Variants in SLC24A4 observed in about 807,000 individuals in gnomAD.
SLC24A4 encodes the protein sodium/potassium/calcium exchanger 4.
SLC24A4 carries 53 observed loss-of-function variants against 79.0 expected under a neutral mutation model. The observed-to-expected ratio is 0.67, with a 90% confidence interval of 0.54 to 0.84. The LOEUF (loss-of-function observed/expected upper bound fraction) is 0.84. Ranked by LOEUF, SLC24A4 falls within the 40% of genes least tolerant of loss-of-function variation. The pLI, the probability that SLC24A4 is intolerant of heterozygous loss-of-function variation, is 0.00. For synonymous variants in SLC24A4, 323 were observed against 323.8 expected, an observed-to-expected ratio of 1.00 and a Z score of 0.03; for missense variants, 731 against 822.0, an observed-to-expected ratio of 0.89 and a Z score of 1.35.
chr14:92,483,656 C>G (rs1292254348), intron 13 of SLC24A4: 2 of 1,136,256 alleles, frequency 1.8e-6, no homozygotes, highest in East Asian at 1.2e-4. Context: ...TGGGTCAGGC[C>G]ACACAGGAGC....
intron 2 of SLC24A4, among the ~76,000 whole-genome samples, chr14:92,367,584 T>G (rs1332447324): frequency 1.3e-5 from 2 of 151,924 alleles, no homozygotes; most frequent in East Asian, 3.9e-4. Context: ...GAGGGAGGAG[T>G]TGGCCCTCCA....
chr14:92,390,801 A>C (rs888201567), intron 2 of SLC24A4, among the ~76,000 whole-genome samples: 1 of 152,250 alleles, frequency 6.6e-6, no homozygotes, highest in African/African-American at 2.4e-5. Context: ...GAATGTGACC[A>C]GGACGATGGT....
chr14:92,433,617 G>A (rs558715098), intron 2 of SLC24A4, among the ~76,000 whole-genome samples: 1 of 152,254 alleles, frequency 6.6e-6, no homozygotes, highest in Non-Finnish European at 1.5e-5. Context: ...TATCTGTTCT[G>A]GGTTCTAGCC....
intron 2 of SLC24A4, among the ~76,000 whole-genome samples, chr14:92,395,430 A>ACAC (rs1175371282): frequency 2.3e-5 from 2 of 86,848 alleles, no homozygotes; most frequent in African/African-American, 1.2e-4. Context: ...AAAACAAAAC[A>ACAC]AAACACACAC....
chr14:92,388,836 G>T (rs1889310836), intron 2 of SLC24A4, among the ~76,000 whole-genome samples: 1 of 152,166 alleles, frequency 6.6e-6, no homozygotes, highest in Non-Finnish European at 1.5e-5. Context: ...GTGGCCCCCA[G>T]ACCAAAACTG....
At chr14:92,363,119 T>C (rs1384030190) in intron 2 of SLC24A4, among the ~76,000 whole-genome samples, 1 of 152,176 alleles carries the variant, frequency 6.6e-6, no homozygotes, top group African/African-American at 2.4e-5. Flanking sequence ...ACTGCTTCCC[T>C]CTTGGGTGGG....
intron 2 of SLC24A4, among the ~76,000 whole-genome samples, chr14:92,364,007 G>A (rs757550415): frequency 2.0e-5 from 3 of 152,042 alleles, no homozygotes; most frequent in Non-Finnish European, 4.4e-5. Context: ...TGGCCATCTC[G>A]TCTGTCCTGG....
intron 2 of SLC24A4, among the ~76,000 whole-genome samples, chr14:92,415,601 GCGC>G (rs1890936165): frequency 6.6e-6 from 1 of 152,074 alleles, no homozygotes; most frequent in Non-Finnish European, 1.5e-5. Flanking sequence ...GGGATTGTAA[GCGC>G]CCACAACCAC....
chr14:92,418,272 C>G (rs74073041), intron 2 of SLC24A4, among the ~76,000 whole-genome samples: 4,071 of 152,222 alleles, frequency 0.027, 184 homozygotes, highest in African/African-American at 0.093. Flanking sequence ...CTGAGGGGGT[C>G]CCTGGCTCAC....
At chr14:92,486,863 T>G in intron 14 of SLC24A4, 83 bp downstream of exon 14, 1 of 951,870 alleles carries the variant, frequency 1.1e-6, no homozygotes, top group Non-Finnish European at 1.6e-6. Flanking sequence ...GTTGACCAAG[T>G]TGTGGCTCTT....
chr14:92,447,300 G>A, intron 8 of SLC24A4, 71 bp from the exon 9 acceptor site: 1 of 1,416,524 alleles, frequency 7.1e-7, no homozygotes, highest in Non-Finnish European at 1.0e-6. Flanking sequence ...CCCACTTCTG[G>A]ACCCCTCATT....
rs536085060 is a variant in SLC24A4, at chr14:92,490,599, C to A, written c.1538-1066C>A. On this transcript the variant is annotated intron_variant, in intron 14 of 16. Coordinates refer to ENST00000532405, the MANE Select transcript of SLC24A4 (RefSeq NM_153646.4). This position sits in a 1 kb window ranked among gnomAD's most constrained non-coding sequence, Gnocchi z 4.3. ...AAGGCTTGGTAAAAAGGATGCTGTA[C>A]CAGGGGACCTTGGGCCGCCTGCAAA... 1.3e-5 allele frequency among the ~76,000 whole-genome samples: 2 copies of A among 152,332 alleles called. No homozygotes were observed. Among genetic ancestry groups the A allele is most frequent in the South Asian group, 4.1e-4 (2 of 4,828 alleles).
rs769126326 is a variant in SLC24A4 at position 92,490,288 on chromosome 14, C to T, written c.1538-1377C>T. On this transcript the variant is annotated intron_variant, in intron 14 of 16. Transcript: ENST00000532405. The surrounding 1 kb of genome is among the most constrained non-coding windows in gnomAD (Gnocchi z 4.3). ...TGGTGTGGAAGTATGGCTCAGTGGC[C>T]GGGTTAGGGCAGATTCCAGCCAGTA... is the stretch of plus-strand genomic sequence containing the variant. 7.8e-4 allele frequency among the ~76,000 whole-genome samples: 119 copies of T among 152,256 alleles called. No homozygotes were observed. Among genetic ancestry groups the T allele is most frequent in the African/African-American group, 5.8e-4 (24 of 41,530 alleles).
chr14:92,469,368 G>A (rs1268672523), intron 12 of SLC24A4, among the ~76,000 whole-genome samples: 1 of 152,046 alleles, frequency 6.6e-6, no homozygotes, highest in Non-Finnish European at 1.5e-5. Flanking sequence ...AATTAGCCAG[G>A]TGTGGTGGTG....
At chr14:92,396,056 C>G (rs1159213723) in intron 2 of SLC24A4, among the ~76,000 whole-genome samples, 1 of 152,204 alleles carries the variant, frequency 6.6e-6, no homozygotes, top group Non-Finnish European at 1.5e-5. Flanking sequence ...GAACTCCTGA[C>G]CTTGTGATCC....
intron 2 of SLC24A4, among the ~76,000 whole-genome samples, chr14:92,390,929 C>G (rs1260845431): frequency 1.3e-5 from 2 of 152,198 alleles, no homozygotes; most frequent in Non-Finnish European, 2.9e-5. Flanking sequence ...CCTGGTCTTC[C>G]ATGTGGTCAT....
intron 2 of SLC24A4, among the ~76,000 whole-genome samples, chr14:92,410,372 G>A (rs975549052): frequency 7.2e-5 from 11 of 152,172 alleles, no homozygotes; most frequent in African/African-American, 2.7e-4. Flanking sequence ...TAGAGACGGA[G>A]TCTTCTTATG....
At chr14:92,366,398 G>A (rs552630971) in intron 2 of SLC24A4, among the ~76,000 whole-genome samples, 6 of 152,190 alleles carry the variant, frequency 3.9e-5, no homozygotes, top group East Asian at 1.9e-4. Context: ...TCTGGTCCCC[G>A]GCCAGAGGGA....
At chr14:92,477,519 TG>T (rs1894834363) in intron 12 of SLC24A4, among the ~76,000 whole-genome samples, 1 of 152,200 alleles carries the variant, frequency 6.6e-6, no homozygotes, top group Admixed American at 6.5e-5. Context: ...CCCAGTGCAA[TG>T]GCAATCATAG....
Sources: allele counts gnomAD v4.1 joint callset (sites outside exome capture counted in the v4.1 genomes callset), GRCh38; gene constraint gnomAD v4.1.1; non-coding constraint Gnocchi (gnomAD v3.1); transcripts MANE v1.5; gene names NCBI Gene and HGNC (gene_info 2026-07-23, HGNC 2026-07-21).